The following SLC20A1 variants were observed in gnomAD, a reference collection of about 807,000 sequenced individuals.
The protein encoded by SLC20A1 is sodium-dependent phosphate transporter 1.
In SLC20A1, 28 loss-of-function variants were observed where a neutral mutation model predicts 62.7. The observed-to-expected ratio is 0.45, with a 90% CI of 0.33 to 0.61. SLC20A1 has a LOEUF of 0.61. Among genes scored for constraint, SLC20A1 ranks in the 20% least tolerant of loss-of-function variants. SLC20A1 has a pLI of 0.02. For synonymous variants in SLC20A1, 305 were observed against 302.9 expected (o/e 1.01, Z -0.07); for missense variants, 673 against 838.6 (o/e 0.80, Z 2.44).
intron 4 of SLC20A1, 170 bp from the exon 5 acceptor site, chr2:112,652,532 C>T (rs1479160307): frequency 6.7e-6 from 4 of 597,348 alleles, no homozygotes; most frequent in South Asian, 2.1e-5. Context: ...AATTAGCCTT[C>T]GTAGGAAGAA....
chr2:112,651,430 G>A (rs1383531724), intron 4 of SLC20A1, among the ~76,000 whole-genome samples: 1 of 150,790 alleles, frequency 6.6e-6, no homozygotes, highest in Non-Finnish European at 1.5e-5. Context: ...CTGAGATGGA[G>A]TCTTACTCTG....
chr2:112,662,777 T>C (rs537336996), intron 10 of SLC20A1, 87 bp from the exon 11 acceptor site: 198 of 1,380,986 alleles, frequency 1.4e-4, no homozygotes, highest in Non-Finnish European at 2.0e-4. Flanking sequence ...GGTCTGGGGC[T>C]CCTTGTCCAA....
At chr2:112,652,107 C>T (rs1281418186) in intron 4 of SLC20A1, 1 of 153,028 alleles carries the variant, frequency 6.5e-6, no homozygotes, top group Non-Finnish European at 1.5e-5. Flanking sequence ...GGAACTTGGT[C>T]TTATTCCCTC....
intron 4 of SLC20A1, among the ~76,000 whole-genome samples, chr2:112,650,577 C>T (rs186460024): frequency 1.6e-4 from 25 of 151,872 alleles, no homozygotes; most frequent in East Asian, 1.9e-4. Flanking sequence ...GTGCTCTGTC[C>T]GTCTTGGCCT....
intron 5 of SLC20A1, among the ~76,000 whole-genome samples, chr2:112,656,156 A>G (rs916050665): frequency 1.3e-5 from 2 of 150,306 alleles, no homozygotes; most frequent in African/African-American, 4.9e-5. Context: ...AAGTGAAATT[A>G]CCACTAAACT....
chr2:112,649,367 T>C (rs922471871), intron 4 of SLC20A1, among the ~76,000 whole-genome samples: 2 of 152,214 alleles, frequency 1.3e-5, no homozygotes, highest in Non-Finnish European at 2.9e-5. Context: ...ACACACACTC[T>C]TGCAGGCCAA....
intron 5 of SLC20A1, among the ~76,000 whole-genome samples, chr2:112,655,263 C>T (rs115162861): frequency 1.8e-3 from 279 of 152,152 alleles, no homozygotes; most frequent in African/African-American, 6.4e-3. Context: ...GCTGCCGCGT[C>T]TGGCCTTGTG....
intron 4 of SLC20A1, among the ~76,000 whole-genome samples, chr2:112,648,833 C>A (rs752092547): frequency 6.6e-6 from 1 of 152,212 alleles, no homozygotes; most frequent in Non-Finnish European, 1.5e-5. Flanking sequence ...TAAGCATCTA[C>A]CTTCCCACTC....
chr2:112,655,150 G>T (rs966448833), intron 5 of SLC20A1, among the ~76,000 whole-genome samples: 5 of 151,726 alleles, frequency 3.3e-5, no homozygotes, highest in African/African-American at 1.2e-4. Flanking sequence ...TGTATTTTTA[G>T]TAGATACGTG....
chr2:112,648,851 C>A (rs1372954572), intron 4 of SLC20A1, among the ~76,000 whole-genome samples: 1 of 152,230 alleles, frequency 6.6e-6, no homozygotes, highest in Non-Finnish European at 1.5e-5. Context: ...CTCCCTACAA[C>A]TGTAGTGTAT....
At chr2:112,661,279 T>G (rs1686741880) in intron 10 of SLC20A1, 53 bp downstream of exon 10, 1 of 1,387,644 alleles carries the variant, frequency 7.2e-7, no homozygotes, top group South Asian at 1.2e-5. Flanking sequence ...ATATGTAGGG[T>G]TTTTAGTTTT....
intron 3 of SLC20A1, 37 bp from the exon 4 acceptor site, chr2:112,647,616 A>T: frequency 6.3e-7 from 1 of 1,597,502 alleles, no homozygotes; most frequent in Non-Finnish European, 8.6e-7. Flanking sequence ...TCTGATTTTC[A>T]TTATTTGATA....
rs1020665246 is a variant in SLC20A1, at chr2:112,659,576, T to C, written c.1421T>C (p.Leu474Pro). 6.2e-7 allele frequency: 1 copy of C among 1,614,108 alleles called. No individual in the cohort carries two copies. Among genetic ancestry groups the C allele is most frequent in the African/African-American group, 1.3e-5 (1 of 74,932 alleles). The change falls in exon 8 of 11, where the codon CTT (leucine) becomes CCT (proline). Residue 474 changes from leucine to proline, a missense_variant. By Grantham distance (98) the Leu-to-Pro change is moderately conservative. Coordinates refer to ENST00000272542, the MANE Select transcript of SLC20A1 (RefSeq NM_005415.5). Reference sequence around the variant, plus strand: ...AGTTACTGCAATGCTGTGTCTGACCTTCACTCAGCATCTGAGATAGACATG... The same window carrying C: ...AGTTACTGCAATGCTGTGTCTGACCCTCACTCAGCATCTGAGATAGACATG... The part of the protein sequence containing the change: ...YTSYCNAVSD[L>P]HSASEIDMSV...
Position 112,652,714 on chromosome 2 carries a change from C to G in SLC20A1, c.574C>G (p.Pro192Ala), listed in dbSNP as rs769113530. The change falls in exon 5 of 11, where the codon CCT (proline) becomes GCT (alanine). Residue 192 changes from proline (P) to alanine (A), a missense_variant. Physicochemically the swap from Pro to Ala is conservative, Grantham distance 27 (BLOSUM62 -1). Coordinates refer to ENST00000272542, the MANE Select transcript of SLC20A1 (RefSeq NM_005415.5). Reference sequence around the variant, plus strand: ...TGATGTTTTACAGGCAGATCCAGTTCCTAATGGTTTGCGAGCTTTGCCAGT... The same window carrying G: ...TGATGTTTTACAGGCAGATCCAGTTGCTAATGGTTTGCGAGCTTTGCCAGT... Reference protein sequence around the residue: ...AFILHKADPVPNGLRALPVFY... With the variant: ...AFILHKADPVANGLRALPVFY... 4 of 1,613,836 alleles carry G rather than the reference C, an allele frequency of 2.5e-6. 1 individual carries two copies. The Middle Eastern group carries it at 6.6e-4, about 266-fold the overall frequency.
chr2:112,661,353 ATTTC>A (rs1686743671), intron 10 of SLC20A1, 127 bp downstream of exon 10: 3 of 619,644 alleles, frequency 4.8e-6, no homozygotes, highest in Non-Finnish European at 8.6e-6. Context: ...TTCATAAGTT[ATTTC>A]TTGTGTTTAT....
intron 5 of SLC20A1, 77 bp from the exon 6 acceptor site, chr2:112,657,045 C>G: frequency 2.6e-6 from 4 of 1,563,874 alleles, no homozygotes; most frequent in Non-Finnish European, 2.6e-6. Flanking sequence ...ACCCCTCAGT[C>G]CCCAGAGGAG....
chr2:112,655,169 G>A (rs1029299745), intron 5 of SLC20A1, among the ~76,000 whole-genome samples: 2 of 151,796 alleles, frequency 1.3e-5, no homozygotes, highest in East Asian at 2.0e-4. Flanking sequence ...TGGTTTCACC[G>A]TGTTGGTCAG....
At position 112,651,406 on chromosome 2, in the gene SLC20A1, A is replaced by AT. The variant is rs201296905; in HGVS notation, c.562-1283dup. ...ATATGTATTCAGATCTTTGCTCCCA[A>AT]TTTTTTTTTTTTTCTGAGATGGAGT... On this transcript the variant is annotated intron_variant, in intron 4 of 10. Coordinates refer to ENST00000272542, the MANE Select transcript of SLC20A1 (RefSeq NM_005415.5). Among the ~76,000 whole-genome samples the AT allele has an allele frequency of 7.2e-3, 1,046 of 144,356 alleles. 4 individuals are homozygous for AT. Among genetic ancestry groups the AT allele is most frequent in the Middle Eastern group, 0.011 (3 of 280 alleles). The allele number at this position is 144,356 out of a possible 152,430, so 94.7% of individuals were successfully genotyped here. A position where few individuals can be genotyped will look rare whatever the true frequency, so the allele number is the denominator to read the frequency against.
intron 4 of SLC20A1, 125 bp from the exon 5 acceptor site, chr2:112,652,577 C>A: frequency 1.4e-6 from 1 of 718,568 alleles, no homozygotes; most frequent in Non-Finnish European, 2.4e-6. Context: ...CTCTGTTGTC[C>A]TTGGAAACTA....
Sources: allele counts gnomAD v4.1 joint callset (sites outside exome capture counted in the v4.1 genomes callset), GRCh38; gene constraint gnomAD v4.1.1; transcripts MANE v1.5; gene names NCBI Gene and HGNC (gene_info 2026-07-23, HGNC 2026-07-21).